HIBADH: variants seen among roughly 807,000 people sequenced by gnomAD.
HIBADH encodes the protein 3-hydroxyisobutyrate dehydrogenase.
In HIBADH, 25 loss-of-function variants were observed where a neutral mutation model predicts 36.1. The ratio of observed to expected loss-of-function variants is 0.69; its 90% CI spans 0.50 to 0.97. HIBADH has a LOEUF of 0.97. Among genes scored for constraint, HIBADH ranks in the 50% least tolerant of loss-of-function variants. The pLI is 0.00. For synonymous variants in HIBADH, 160 were observed against 149.5 expected, an observed-to-expected ratio of 1.07 and a Z score of -0.51; for missense variants, 421 against 418.0, an observed-to-expected ratio of 1.01 and a Z score of -0.06.
Position 27,602,907 on chromosome 7 carries a change from C to T in HIBADH, c.484+26464G>A, listed in dbSNP as rs1228348317. 2.0e-5 allele frequency among the ~76,000 whole-genome samples: 3 copies of T among 152,114 alleles called. No homozygotes were observed. In the South Asian group the frequency reaches 6.2e-4, roughly 32 times the overall value. ...CAGTTCCCTTCTCAACAACCTCCAT[C>T]CATCCCAGCACCCACCCATTCCCAA... On this transcript the variant is annotated intron_variant, in intron 4 of 7. Coordinates refer to ENST00000265395, the MANE Select transcript of HIBADH (RefSeq NM_152740.4).
chr7:27,656,302 C>T (rs1786302651), intron 1 of HIBADH, among the ~76,000 whole-genome samples: 1 of 152,070 alleles, frequency 6.6e-6, no homozygotes, highest in Non-Finnish European at 1.5e-5. Context: ...TTTATTACAG[C>T]ACTACTTGTA....
At chr7:27,603,528 T>C (rs142428696) in intron 4 of HIBADH, among the ~76,000 whole-genome samples, 5,201 of 152,246 alleles carry the variant, frequency 0.034, 115 homozygotes, top group South Asian at 0.093. Flanking sequence ...CTTGCCTATA[T>C]ATTTATAGAA....
At chr7:27,527,631 A>G (rs1366298915) in intron 7 of HIBADH, among the ~76,000 whole-genome samples, 2 of 152,226 alleles carry the variant, frequency 1.3e-5, no homozygotes, top group East Asian at 3.8e-4. Context: ...CAAGTCTATC[A>G]GCACTGTTTT....
chr7:27,547,123 A>G (rs922738210), intron 4 of HIBADH, among the ~76,000 whole-genome samples: 5 of 152,076 alleles, frequency 3.3e-5, no homozygotes, highest in Non-Finnish European at 7.4e-5. Flanking sequence ...ATTTCATTTC[A>G]TATCATTCTT....
chr7:27,632,519 C>T (rs1785764868), intron 2 of HIBADH, 74 bp from the exon 3 acceptor site: 1 of 847,836 alleles, frequency 1.2e-6, no homozygotes, highest in Non-Finnish European at 1.9e-6. Context: ...ACAGGATCCA[C>T]TTTTCATGCA....
intron 3 of HIBADH, among the ~76,000 whole-genome samples, chr7:27,631,929 T>C (rs994797376): frequency 6.6e-6 from 1 of 152,218 alleles, no homozygotes; most frequent in African/African-American, 2.4e-5. Context: ...TTTTTTCGTA[T>C]AATAAAATGT....
At chr7:27,660,812 AAAG>A (rs1356235891) in intron 1 of HIBADH, among the ~76,000 whole-genome samples, 1 of 152,206 alleles carries the variant, frequency 6.6e-6, no homozygotes, top group Non-Finnish European at 1.5e-5. Context: ...ACCATATGCC[AAAG>A]TAGTCTAATC....
At chr7:27,637,738 A>G (rs1785865927) in intron 2 of HIBADH, among the ~76,000 whole-genome samples, 1 of 152,208 alleles carries the variant, frequency 6.6e-6, no homozygotes. Flanking sequence ...ACTTCAGCCA[A>G]GTCCCAAGAC....
chr7:27,585,378 TGAG>T (rs1250853409), intron 4 of HIBADH, among the ~76,000 whole-genome samples: 4 of 152,118 alleles, frequency 2.6e-5, no homozygotes, highest in African/African-American at 7.2e-5. Context: ...AAGCAGTCTA[TGAG>T]GCTACACATC....
intron 4 of HIBADH, among the ~76,000 whole-genome samples, chr7:27,552,150 C>T (rs1395113758): frequency 6.6e-6 from 1 of 152,176 alleles, no homozygotes; most frequent in African/African-American, 2.4e-5. Context: ...GAAAAGATTG[C>T]CGTGCACAAT....
chr7:27,655,000 T>TG (rs1423732553), intron 1 of HIBADH, among the ~76,000 whole-genome samples: 3 of 152,192 alleles, frequency 2.0e-5, no homozygotes, highest in African/African-American at 7.2e-5. Flanking sequence ...CTCTCTTGAC[T>TG]GTGATGATAG....
At chr7:27,595,579 G>GGGGT (rs370250257) in intron 4 of HIBADH, among the ~76,000 whole-genome samples, 2 of 143,340 alleles carry the variant, frequency 1.4e-5, no homozygotes, top group African/African-American at 5.2e-5. Flanking sequence ...CATAAGGGCA[G>GGGGT]GTGTGTGTGT....
At chr7:27,540,518 T>TC (rs1343601808) in intron 5 of HIBADH, among the ~76,000 whole-genome samples, 1 of 152,224 alleles carries the variant, frequency 6.6e-6, no homozygotes, top group African/African-American at 2.4e-5. Context: ...TTGCACAACA[T>TC]CTGGACAGTT....
At chr7:27,624,865 A>C (rs1785613304) in intron 4 of HIBADH, among the ~76,000 whole-genome samples, 1 of 152,174 alleles carries the variant, frequency 6.6e-6, no homozygotes, top group Non-Finnish European at 1.5e-5. Context: ...GTTGAAGTCA[A>C]CTCAAGTTTT....
chr7:27,583,708 A>C (rs1165151333), intron 4 of HIBADH, among the ~76,000 whole-genome samples: 1 of 152,016 alleles, frequency 6.6e-6, no homozygotes, highest in African/African-American at 2.4e-5. Flanking sequence ...ATTTTAAACC[A>C]GTGGTTCTTA....
chr7:27,640,217 G>A (rs962027327), intron 2 of HIBADH, among the ~76,000 whole-genome samples: 10 of 152,274 alleles, frequency 6.6e-5, no homozygotes, highest in Non-Finnish European at 1.2e-4. Context: ...CTTAGGAACT[G>A]CCTCTTCTTT....
Position 27,621,783 on chromosome 7 carries a change from C to T in HIBADH, c.484+7588G>A, listed in dbSNP as rs541187882. Among the ~76,000 whole-genome samples the T allele has an allele frequency of 7.2e-5, 11 of 151,856 alleles. No individual in the cohort carries two copies. The East Asian group carries it at 2.0e-3, about 27-fold the overall frequency. On this transcript the variant is annotated intron_variant, in intron 4 of 7. Coordinates refer to ENST00000265395, the MANE Select transcript of HIBADH (RefSeq NM_152740.4). ...TTACAGCCTGGGTGACAAAGCGAGA[C>T]TCGATCTCAAACAAACAAAAAACTG... is the stretch of plus-strand genomic sequence containing the variant.
At chr7:27,608,026 C>T (rs1035819969) in intron 4 of HIBADH, among the ~76,000 whole-genome samples, 2 of 152,134 alleles carry the variant, frequency 1.3e-5, no homozygotes, top group African/African-American at 2.4e-5. Context: ...TAAAATTATT[C>T]GTATTCTGGC....
At chr7:27,540,800 T>C (rs1385189932) in intron 5 of HIBADH, among the ~76,000 whole-genome samples, 1 of 152,190 alleles carries the variant, frequency 6.6e-6, no homozygotes, top group Non-Finnish European at 1.5e-5. Flanking sequence ...TTATTCTGGG[T>C]GGCCAGGGGT....
Sources: gnomAD v4.1 joint callset for allele counts (sites outside exome capture counted in the v4.1 genomes callset) on GRCh38, gnomAD v4.1.1 for gene constraint, MANE v1.5 for transcripts, NCBI Gene and HGNC (gene_info 2026-07-23, HGNC 2026-07-21) for gene names.